WWOX: variants seen among roughly 807,000 people sequenced by gnomAD.
WWOX encodes WW domain containing oxidoreductase.
WWOX carries 69 observed loss-of-function variants against 46.2 expected under a neutral mutation model. That is an observed-to-expected ratio of 1.49 (90% CI 1.23 to 1.82). The LOEUF is 1.82. Ranked by LOEUF, WWOX falls within the 40% of genes most tolerant of loss-of-function variation. The probability of loss-of-function intolerance (pLI) is 0.00; values close to 1 mark genes in which losing one functional copy is unlikely to be tolerated. For synonymous variants in WWOX, 359 were observed against 202.6 expected (o/e 1.77, Z -6.56); for missense variants, 919 against 542.6 (o/e 1.69, Z -6.89).
At chr16:78,825,263 A>T in intron 8 of WWOX, 1 of 253,338 alleles carries the variant, frequency 3.9e-6, no homozygotes, top group South Asian at 5.5e-5. Context: ...TTTCCTTTTG[A>T]TGGTGTGCAG....
At chr16:78,143,752 G>GTTTTTT (rs200125720) in intron 4 of WWOX, among the ~76,000 whole-genome samples, 27 of 120,160 alleles carry the variant, frequency 2.2e-4, no homozygotes, top group East Asian at 7.6e-4. Flanking sequence ...GAATTGGTAT[G>GTTTTTT]TTTTTTTTTT....
rs999760147 is a variant in WWOX at position 79,131,410 on chromosome 16, GA to G, written c.1057-80190del. Among the ~76,000 whole-genome samples the G allele has an allele frequency of 4.6e-5, 7 of 151,776 alleles. 1 individual carries two copies. Among genetic ancestry groups the G allele is most frequent in the South Asian group, 4.2e-4 (2 of 4,798 alleles). On this transcript the variant is annotated intron_variant, in intron 8 of 8. Coordinates refer to ENST00000566780, the MANE Select transcript of WWOX (RefSeq NM_016373.4). ...CTTTTTTTCCCTCCTGATTCGGAGG[GA>G]AAAAAAATGTTGTTTGTGTTCATTT... is the stretch of plus-strand genomic sequence containing the variant.
Position 78,340,767 on chromosome 16 carries a change from C to T in WWOX, c.517-46093C>T, listed in dbSNP as rs374234360. Among the ~76,000 whole-genome samples the T allele has an allele frequency of 2.2e-4, 26 of 117,992 alleles. 6 individuals are homozygous for T. The highest frequency in any genetic ancestry group is 7.5e-4 in the Admixed American group (9 of 11,972). 77.4% of individuals were successfully genotyped at this position (117,992 alleles called of 152,430 possible). On this transcript the variant is annotated intron_variant, in intron 5 of 8. Transcript: ENST00000566780. ...CTTGGGGAAGGTGTAGCTCTGACTGCTAGAGTTCTAGAGCCAAGTGAGGGG... is the reference window on the plus strand; with the variant it reads ...CTTGGGGAAGGTGTAGCTCTGACTGTTAGAGTTCTAGAGCCAAGTGAGGGG...
intron 8 of WWOX, among the ~76,000 whole-genome samples, chr16:79,049,140 T>C (rs1044045183): frequency 6.6e-6 from 1 of 152,232 alleles, no homozygotes; most frequent in African/African-American, 2.4e-5. Context: ...TTTTAGACTT[T>C]GTGACCCATA....
At chr16:78,672,410 T>C (rs2047488186) in intron 8 of WWOX, among the ~76,000 whole-genome samples, 1 of 152,118 alleles carries the variant, frequency 6.6e-6, no homozygotes, top group South Asian at 2.1e-4. Context: ...GAAAATAGTG[T>C]ATGGATTGGT....
intron 8 of WWOX, among the ~76,000 whole-genome samples, chr16:78,501,748 G>T (rs1965060330): frequency 6.6e-6 from 1 of 152,064 alleles, no homozygotes; most frequent in Admixed American, 6.5e-5. Context: ...TGTTGGCCAG[G>T]CTGGTCTCGA....
intron 8 of WWOX, among the ~76,000 whole-genome samples, chr16:78,820,352 T>A (rs1328523538): frequency 6.6e-6 from 1 of 152,192 alleles, no homozygotes; most frequent in African/African-American, 2.4e-5. Flanking sequence ...AGTGGTGCCC[T>A]GAATACGCCA....
intron 8 of WWOX, among the ~76,000 whole-genome samples, chr16:78,514,043 A>G (rs1000484308): frequency 2.0e-5 from 3 of 152,134 alleles, no homozygotes; most frequent in African/African-American, 7.2e-5. Flanking sequence ...TTTATATAGT[A>G]TTTATTGAGA....
intron 8 of WWOX, among the ~76,000 whole-genome samples, chr16:79,191,033 C>A (rs988808771): frequency 6.6e-6 from 1 of 152,010 alleles, no homozygotes; most frequent in African/African-American, 2.4e-5. Context: ...CAAAGCATGA[C>A]TTCTTTTTTT....
At chr16:79,097,568 A>G (rs886829542) in intron 8 of WWOX, among the ~76,000 whole-genome samples, 1 of 152,218 alleles carries the variant, frequency 6.6e-6, no homozygotes, top group Non-Finnish European at 1.5e-5. Flanking sequence ...AAAAAACATA[A>G]CCCTCTCCTA....
At chr16:78,314,405 CAAA>C (rs56032982) in intron 5 of WWOX, among the ~76,000 whole-genome samples, 4 of 101,498 alleles carry the variant, frequency 3.9e-5, no homozygotes, top group Admixed American at 1.0e-4. Context: ...GACTCTGTCT[CAAA>C]AAAAAAAAAA....
intron 8 of WWOX, among the ~76,000 whole-genome samples, chr16:78,966,296 C>G (rs973351461): frequency 6.6e-6 from 1 of 152,184 alleles, no homozygotes; most frequent in Non-Finnish European, 1.5e-5. Context: ...TTCCTGATAG[C>G]TGTTTCAGAT....
intron 8 of WWOX, among the ~76,000 whole-genome samples, chr16:78,768,865 C>A (rs563639144): frequency 1.4e-3 from 218 of 152,228 alleles, no homozygotes; most frequent in African/African-American, 5.0e-3. Flanking sequence ...GAAAGGAGAG[C>A]ATGACCCGCC....
chr16:78,875,623 G>A (rs149143969), intron 8 of WWOX, among the ~76,000 whole-genome samples: 113 of 152,102 alleles, frequency 7.4e-4, no homozygotes, highest in Middle Eastern at 6.8e-3. Context: ...TCAGAATCCC[G>A]GTACATTTCA....
chr16:79,103,841 C>T (rs1221397110), intron 8 of WWOX, among the ~76,000 whole-genome samples: 3 of 152,068 alleles, frequency 2.0e-5, no homozygotes, highest in African/African-American at 4.8e-5. Context: ...CCATCATGCA[C>T]GTTTCTACAC....
At chr16:79,002,419 T>C (rs182238853) in intron 8 of WWOX, among the ~76,000 whole-genome samples, 116 of 152,076 alleles carry the variant, frequency 7.6e-4, no homozygotes, top group Non-Finnish European at 1.3e-3. Flanking sequence ...AGACAGGGTT[T>C]TGACATGTTG....
intron 8 of WWOX, among the ~76,000 whole-genome samples, chr16:79,038,829 C>T (rs1000841606): frequency 2.0e-5 from 3 of 151,854 alleles, no homozygotes; most frequent in Non-Finnish European, 4.4e-5. Context: ...GGATTACAAG[C>T]ATGAGCCACT....
rs564247158 is a variant in WWOX at position 78,488,361 on chromosome 16, G to T, written c.1056+55609G>T. On this transcript the variant is annotated intron_variant, in intron 8 of 8. Transcript: ENST00000566780. ...TCTAGGTGGCTGAGTTCATTTTCTAGTCTAGGTAAAGGGCACCTCCTGTAA... is the reference window on the plus strand; with the variant it reads ...TCTAGGTGGCTGAGTTCATTTTCTATTCTAGGTAAAGGGCACCTCCTGTAA... Among the ~76,000 whole-genome samples, 6 of 152,160 alleles carry T rather than the reference G, an allele frequency of 3.9e-5. No homozygotes were observed. The South Asian group carries it at 6.2e-4, about 16-fold the overall frequency.
intron 8 of WWOX, among the ~76,000 whole-genome samples, chr16:78,541,364 C>T (rs1371154861): frequency 1.4e-5 from 2 of 147,388 alleles, no homozygotes; most frequent in East Asian, 2.0e-4. Context: ...GTCCCAGCTA[C>T]TTGGGAGGCT....
Sources: allele counts gnomAD v4.1 joint callset (sites outside exome capture counted in the v4.1 genomes callset), GRCh38; gene constraint gnomAD v4.1.1; transcripts MANE v1.5; gene names NCBI Gene and HGNC (gene_info 2026-07-23, HGNC 2026-07-21).